The following MARCHF8 variants were observed in gnomAD, a reference collection of about 807,000 sequenced individuals.
MARCHF8 encodes the protein membrane associated ring-CH-type finger 8.
Under a neutral mutation model 51.6 loss-of-function variants are expected in MARCHF8, and 40 were observed. The ratio of observed to expected loss-of-function variants is 0.77; its 90% CI spans 0.60 to 1.01. The LOEUF (loss-of-function observed/expected upper bound fraction) is 1.01, where lower values mean the gene tolerates loss of function less well. Among genes scored for constraint, MARCHF8 ranks in the 50% least tolerant of loss-of-function variants. The pLI, the probability that MARCHF8 is intolerant of heterozygous loss-of-function variation, is 0.00. For synonymous variants in MARCHF8, 263 were observed against 280.3 expected (o/e 0.94, Z 0.62); for missense variants, 685 against 708.6 (o/e 0.97, Z 0.38).
intron 3 of MARCHF8, among the ~76,000 whole-genome samples, chr10:45,482,015 C>T (rs2042896294): frequency 1.3e-5 from 2 of 152,088 alleles, no homozygotes; most frequent in South Asian, 4.1e-4. Context: ...TGTTTCTATA[C>T]ACCAATAATG....
At chr10:45,553,159 G>A (rs1422008683) in intron 1 of MARCHF8, 1 of 151,980 alleles carries the variant, frequency 6.6e-6, no homozygotes, top group Non-Finnish European at 1.5e-5. Flanking sequence ...ATCACTTGAG[G>A]CCAGGAGTTT....
At chr10:45,561,146 G>T (rs139164391) in intron 1 of MARCHF8, among the ~76,000 whole-genome samples, 283 of 152,024 alleles carry the variant, frequency 1.9e-3, no homozygotes, top group Non-Finnish European at 3.6e-3. Flanking sequence ...AATAAATCTG[G>T]AAAAATAAGC....
At position 45,551,302 on chromosome 10, in the gene MARCHF8, C is replaced by G. The variant is rs376268033; in HGVS notation, c.-78-18013G>C. Among the ~76,000 whole-genome samples the G allele has an allele frequency of 7.9e-5, 12 of 152,170 alleles. No homozygotes were observed. In the East Asian group the frequency reaches 2.3e-3, roughly 29 times the overall value. On this transcript the variant is annotated intron_variant, in intron 1 of 6. Coordinates refer to the MARCHF8 transcript ENST00000319836. ...TAAGTCAGAAGTCTGTCATTAAGAA[C>G]ATAAAATCACAGTGCAGATTGGGAG... is the stretch of plus-strand genomic sequence containing the variant.
Position 45,461,457 on chromosome 10 carries a change from A to C in MARCHF8, c.1089-46T>G, listed in dbSNP as rs771336149. On this transcript the variant is annotated intron_variant, in intron 5 of 7. Transcript: ENST00000453424. ...GTCATTCCAAGGACAGTCCCATGAC[A>C]GGGAAGCTGACACTTCAGTGGCAGG... 5.6e-6 allele frequency: 8 copies of C among 1,434,958 alleles called. No individual in the cohort carries two copies. The East Asian group carries it at 1.3e-4, about 24-fold the overall frequency. 88.9% of individuals were successfully genotyped at this position (1,434,958 alleles called of 1,614,324 possible). A position where few individuals can be genotyped will look rare whatever the true frequency, so the allele number is the denominator to read the frequency against.
intron 2 of MARCHF8, among the ~76,000 whole-genome samples, chr10:45,511,957 A>G (rs2043519024): frequency 6.7e-6 from 1 of 150,338 alleles, no homozygotes; most frequent in Non-Finnish European, 1.5e-5. Flanking sequence ...CCGTCTAGGA[A>G]GTGAGGAGCG....
chr10:45,532,695 A>G (rs2043906548), intron 2 of MARCHF8, among the ~76,000 whole-genome samples: 1 of 152,234 alleles, frequency 6.6e-6, no homozygotes, highest in Non-Finnish European at 1.5e-5. Flanking sequence ...AATGCTTGTT[A>G]TTTAAACCAC....
intron 1 of MARCHF8, among the ~76,000 whole-genome samples, chr10:45,588,397 T>C (rs1469533972): frequency 6.6e-6 from 1 of 152,182 alleles, no homozygotes; most frequent in African/African-American, 2.4e-5. Flanking sequence ...CTTTTTTGAG[T>C]GCCTTTGCTG....
intron 2 of MARCHF8, among the ~76,000 whole-genome samples, chr10:45,498,209 G>A (rs1214019269): frequency 6.6e-6 from 1 of 152,130 alleles, no homozygotes; most frequent in Non-Finnish European, 1.5e-5. Flanking sequence ...CATTTTAAGT[G>A]TACAGTTCAG....
chr10:45,460,813 G>A (rs1377862030), intron 6 of MARCHF8, among the ~76,000 whole-genome samples: 4 of 152,210 alleles, frequency 2.6e-5, no homozygotes, highest in Non-Finnish European at 4.4e-5. Flanking sequence ...TATCATGGGT[G>A]TATACAAATA....
chr10:45,480,000 C>T (rs1353555156), intron 3 of MARCHF8, among the ~76,000 whole-genome samples: 1 of 152,134 alleles, frequency 6.6e-6, no homozygotes, highest in African/African-American at 2.4e-5. Flanking sequence ...AAATACTGAT[C>T]ATGATATGGA....
At chr10:45,460,444 G>T (rs931582005) in intron 6 of MARCHF8, among the ~76,000 whole-genome samples, 1 of 152,168 alleles carries the variant, frequency 6.6e-6, no homozygotes, top group South Asian at 2.1e-4. Context: ...TTCCTTTTCT[G>T]AATGACTGTT....
At chr10:45,554,916 G>A (rs759952522) in intron 1 of MARCHF8, among the ~76,000 whole-genome samples, 6 of 152,114 alleles carry the variant, frequency 3.9e-5, no homozygotes, top group African/African-American at 1.4e-4. Context: ...TTAGCCAGGC[G>A]TAGTGGTGCG....
At chr10:45,459,290 G>A (rs1371915930) in intron 6 of MARCHF8, 23 bp from the exon 7 acceptor site, 2 of 1,611,876 alleles carry the variant, frequency 1.2e-6, no homozygotes, top group South Asian at 1.1e-5. Context: ...CACAGAGTGT[G>A]AGGCTCAGGC....
At chr10:45,569,204 T>C (rs2044401964) in intron 1 of MARCHF8, among the ~76,000 whole-genome samples, 1 of 152,212 alleles carries the variant, frequency 6.6e-6, no homozygotes, top group African/African-American at 2.4e-5. Flanking sequence ...GCTTTCAGTT[T>C]TTCCCCATGC....
At chr10:45,531,226 A>G (rs1286995202) in intron 2 of MARCHF8, among the ~76,000 whole-genome samples, 1 of 152,188 alleles carries the variant, frequency 6.6e-6, no homozygotes, top group Non-Finnish European at 1.5e-5. Flanking sequence ...AAAAGCTCCA[A>G]ATTCTATGAA....
intron 2 of MARCHF8, among the ~76,000 whole-genome samples, chr10:45,492,144 A>G (rs2043091770): frequency 6.6e-6 from 1 of 152,204 alleles, no homozygotes; most frequent in Non-Finnish European, 1.5e-5. Context: ...CAAGCCCTAG[A>G]AAACACAGGG....
At chr10:45,537,983 T>C (rs2043997198), upstream of MARCHF8, among the ~76,000 whole-genome samples, 2 of 152,292 alleles carry the variant, frequency 1.3e-5, no homozygotes, top group Middle Eastern at 3.4e-3. Context: ...ATCCCTAATC[T>C]AACTAATCTA....
Position 45,463,580 on chromosome 10 carries a change from C to T in MARCHF8, c.659G>A (p.Cys220Tyr), listed in dbSNP as rs763441559. Residue 220 changes from cysteine to tyrosine, a missense_variant, in exon 5 of 8, where the codon TGC becomes TAC. By Grantham distance (194) the Cys-to-Tyr change is radical. Coordinates refer to ENST00000453424, the MANE Select transcript of MARCHF8 (RefSeq NM_001282866.2). Reference protein sequence around the residue: ...LGNSKHSCVSCLSAGRSTASE... With the variant: ...LGNSKHSCVSYLSAGRSTASE... ...GGCAGTTGAGCGACCGGCAGAAAGG[C>T]ATGAAACACAAGAATGTTTGGAATT... is the stretch of plus-strand genomic sequence containing the variant. 1 of 1,550,666 alleles carries T rather than the reference C, an allele frequency of 6.4e-7. No homozygotes were observed. The highest frequency in any genetic ancestry group is 8.7e-7 in the Non-Finnish European group (1 of 1,147,012).
At chr10:45,513,041 A>G (rs906994337) in intron 2 of MARCHF8, among the ~76,000 whole-genome samples, 9 of 151,024 alleles carry the variant, frequency 6.0e-5, no homozygotes, top group Admixed American at 5.3e-4. Context: ...CTCGTTAAGA[A>G]TCATCACCAC....
Sources: gnomAD v4.1 joint callset for allele counts (sites outside exome capture counted in the v4.1 genomes callset) on GRCh38, gnomAD v4.1.1 for gene constraint, MANE v1.5 for transcripts, NCBI Gene and HGNC (gene_info 2026-07-23, HGNC 2026-07-21) for gene names.